Variants in FAAP20 observed in about 807,000 individuals in gnomAD.
The protein encoded by FAAP20 is FA core complex associated protein 20, also known as Fanconi anemia core complex-associated protein 20.
Under a neutral mutation model 16.2 loss-of-function variants are expected in FAAP20, and 12 were observed. That is an observed-to-expected ratio of 0.74 (90% CI 0.48 to 1.20). The LOEUF is 1.20. Ranked by LOEUF, FAAP20 falls within the 50% of genes most tolerant of loss-of-function variation. The probability of loss-of-function intolerance (pLI) is 0.00; values close to 1 mark genes in which losing one functional copy is unlikely to be tolerated. For missense variants in FAAP20, 288 were observed against 245.8 expected (o/e 1.17, Z -1.15); for synonymous variants, 141 against 110.7 (o/e 1.27, Z -1.72).
At position 2,190,102 on chromosome 1, in the gene FAAP20, G is replaced by A. The variant is rs868139915; in HGVS notation, c.471-321C>T. On this transcript the variant is annotated intron_variant, in intron 3 of 3. Transcript: ENST00000378546. Reference sequence around the variant, plus strand: ...GAGAACGCGCTCATCGTGGAGCCCGGCAGACAGGCGGCCTGACCCGGAGAA... The same window carrying A: ...GAGAACGCGCTCATCGTGGAGCCCGACAGACAGGCGGCCTGACCCGGAGAA... 9.5e-5 allele frequency: 52 copies of A among 545,974 alleles called. No homozygotes were observed. The African/African-American group carries it at 9.5e-4, about 10-fold the overall frequency. The allele number at this position is 545,974 out of a possible 1,614,324, so 33.8% of individuals were successfully genotyped here.
upstream of FAAP20, chr1:2,198,155 A>G: frequency 7.8e-7 from 1 of 1,288,982 alleles, no homozygotes; most frequent in Non-Finnish European, 1.0e-6. Flanking sequence ...TTATTGGAAA[A>G]TAATTTCTGG....
chr1:2,188,092 C>T (rs537936071), downstream of FAAP20, among the ~76,000 whole-genome samples: 29 of 152,314 alleles, frequency 1.9e-4, no homozygotes, highest in African/African-American at 6.5e-4. Context: ...AAAATACAGA[C>T]GTCTGGGTGT....
upstream of FAAP20, among the ~76,000 whole-genome samples, chr1:2,204,737 G>A (rs1689172404): frequency 6.6e-6 from 1 of 152,154 alleles, no homozygotes; most frequent in African/African-American, 2.4e-5. Flanking sequence ...TCCGGAGCAG[G>A]GTCCTGGGTA....
intron 3 of FAAP20, chr1:2,192,349 CA>C: frequency 1.0e-6 from 1 of 992,708 alleles, no homozygotes; most frequent in Non-Finnish European, 1.2e-6. Context: ...CCAGACACAC[CA>C]AGGCCTGGAC....
upstream of FAAP20, among the ~76,000 whole-genome samples, chr1:2,197,378 G>A (rs1688866985): frequency 6.6e-6 from 1 of 152,210 alleles, no homozygotes; most frequent in African/African-American, 2.4e-5. Context: ...GGTCTCAAGT[G>A]ACCCAGACCC....
chr1:2,188,404 C>T (rs1281289433), downstream of FAAP20, among the ~76,000 whole-genome samples: 1 of 152,206 alleles, frequency 6.6e-6, no homozygotes, highest in Non-Finnish European at 1.5e-5. Context: ...AGAGTCTCAG[C>T]TCCCGCAGCC....
At chr1:2,211,900 CTTTTTTTTTT>C (rs60874812), downstream of FAAP20, among the ~76,000 whole-genome samples, 2 of 99,014 alleles carry the variant, frequency 2.0e-5, no homozygotes, top group Non-Finnish European at 3.6e-5. Flanking sequence ...CAAGCTGCTG[CTTTTTTTTTT>C]TTTTTTTTTT....
chr1:2,191,994 C>G, intron 3 of FAAP20: 1 of 985,556 alleles, frequency 1.0e-6, no homozygotes, highest in Non-Finnish European at 1.2e-6. Context: ...CCGGAGAACA[C>G]CAAGGCTGTG....
chr1:2,192,103 G>C (rs540769255), intron 3 of FAAP20: 349 of 985,588 alleles, frequency 3.5e-4, no homozygotes, highest in Non-Finnish European at 4.1e-4. Flanking sequence ...GACGGTTCAA[G>C]ACCAAGTCCG....
At chr1:2,198,963 C>G (rs543396154), upstream of FAAP20, 1 of 1,289,008 alleles carries the variant, frequency 7.8e-7, no homozygotes, top group South Asian at 1.2e-5. Context: ...TTTGGGGCAG[C>G]AGAGCAGGTG....
At chr1:2,206,970 G>C (rs1323973391) in intron 1 of FAAP20, among the ~76,000 whole-genome samples, 1 of 152,186 alleles carries the variant, frequency 6.6e-6, no homozygotes, top group Non-Finnish European at 1.5e-5. Flanking sequence ...TCCAGGAGGA[G>C]GGGAGACTTG....
downstream of FAAP20, among the ~76,000 whole-genome samples, chr1:2,210,891 G>A (rs1245578243): frequency 5.9e-5 from 9 of 152,246 alleles, no homozygotes; most frequent in Admixed American, 5.9e-4. Flanking sequence ...TCCCAGACAG[G>A]GACGCAAGCT....
At chr1:2,197,880 G>T (rs535737775), upstream of FAAP20, 11 of 1,043,156 alleles carry the variant, frequency 1.1e-5, 1 homozygote, top group South Asian at 1.7e-4. Context: ...TTGTCAGGAA[G>T]CCTGACCCCC....
upstream of FAAP20, chr1:2,198,540 G>A (rs527562522): frequency 3.3e-5 from 20 of 612,408 alleles, no homozygotes; most frequent in South Asian, 2.6e-4. Context: ...TCTGCCCAGC[G>A]CTGACACCCT....
downstream of FAAP20, among the ~76,000 whole-genome samples, chr1:2,187,407 C>T (rs1687726221): frequency 6.6e-6 from 1 of 151,408 alleles, no homozygotes. Context: ...CGGGTTTAAG[C>T]GATTCTCCTG....
chr1:2,194,863 C>G, upstream of FAAP20: 1 of 951,066 alleles, frequency 1.1e-6, no homozygotes. Context: ...CCCTCCGAGA[C>G]AGTCGGAACC....
downstream of FAAP20, among the ~76,000 whole-genome samples, chr1:2,207,923 T>C (rs879484894): frequency 0.027 from 2,441 of 89,630 alleles, 33 homozygotes; most frequent in African/African-American, 0.039. Flanking sequence ...TGTGTGTGTG[T>C]GTGTGTGTGT....
chr1:2,212,189 G>C (rs1258205012), exon 2 of FAAP20: 2 of 152,590 alleles, frequency 1.3e-5, no homozygotes, highest in South Asian at 2.1e-4. Context: ...TTACAGGCGT[G>C]AGCCACTGCG....
At chr1:2,198,979 G>A, upstream of FAAP20, 1 of 1,287,208 alleles carries the variant, frequency 7.8e-7, no homozygotes, top group South Asian at 1.2e-5. Flanking sequence ...AGGTGCTCGG[G>A]CCCACACATG....
Sources: allele counts gnomAD v4.1 joint callset (sites outside exome capture counted in the v4.1 genomes callset), GRCh38; gene constraint gnomAD v4.1.1; transcripts MANE v1.5; gene names NCBI Gene and HGNC (gene_info 2026-07-23, HGNC 2026-07-21).